Variants in SYT16 observed in about 807,000 individuals in gnomAD.
SYT16 encodes synaptotagmin-16.
SYT16 carries 42 observed loss-of-function variants against 61.4 expected under a neutral mutation model. The observed-to-expected ratio is 0.68, with a 90% CI of 0.53 to 0.89. The LOEUF is 0.89. Among genes scored for constraint, SYT16 ranks in the 40% least tolerant of loss-of-function variants. SYT16 has a pLI of 0.00. For synonymous variants in SYT16, 314 were observed against 302.3 expected, an observed-to-expected ratio of 1.04 and a Z score of -0.40; for missense variants, 804 against 807.3, an observed-to-expected ratio of 1.00 and a Z score of 0.05.
intron 1 of SYT16, among the ~76,000 whole-genome samples, chr14:61,911,124 G>A (rs1168467789): frequency 6.6e-6 from 1 of 152,120 alleles, no homozygotes; most frequent in African/African-American, 2.4e-5. Context: ...AAATTTGTAA[G>A]GCGTTTCCTC....
chr14:61,854,915 A>G (rs988257004), intron 1 of SYT16, among the ~76,000 whole-genome samples: 1 of 151,608 alleles, frequency 6.6e-6, no homozygotes, highest in Non-Finnish European at 1.5e-5. Flanking sequence ...CCCTGCCTCT[A>G]TATATAGAAG....
At chr14:62,089,316 C>G (rs2056991793) in intron 7 of SYT16, among the ~76,000 whole-genome samples, 1 of 91,598 alleles carries the variant, frequency 1.1e-5, no homozygotes, top group Non-Finnish European at 2.4e-5. Context: ...GAGATTCCAT[C>G]TCAAAAAAAA....
At chr14:62,051,266 G>T (rs896756853) in intron 3 of SYT16, among the ~76,000 whole-genome samples, 1 of 152,220 alleles carries the variant, frequency 6.6e-6, no homozygotes, top group African/African-American at 2.4e-5. Flanking sequence ...AGGACCCTCC[G>T]AGCCATGTGC....
intron 4 of SYT16, among the ~76,000 whole-genome samples, chr14:62,072,511 A>T (rs1289450759): frequency 6.6e-6 from 1 of 151,994 alleles, no homozygotes; most frequent in East Asian, 1.9e-4. Context: ...GTAGGGGGAA[A>T]CTCTAGGCAT....
At chr14:61,994,248 C>T (rs931325894) in intron 2 of SYT16, among the ~76,000 whole-genome samples, 2 of 152,158 alleles carry the variant, frequency 1.3e-5, no homozygotes, top group Non-Finnish European at 2.9e-5. Flanking sequence ...AAGTGATACA[C>T]TAGGTTTGGA....
chr14:61,849,342 G>A lies in SYT16; in HGVS notation c.-325+36532G>A, dbSNP rs189309246. ...CCCAGCCAGTGTCTCGCTGGGTCATGTGTCCCCCAAAATCCACTGGTTCTG... is the reference window on the plus strand; with the variant it reads ...CCCAGCCAGTGTCTCGCTGGGTCATATGTCCCCCAAAATCCACTGGTTCTG... On this transcript the variant is annotated intron_variant, in intron 1 of 7. Transcript: ENST00000683842. Among the ~76,000 whole-genome samples, 627 of 152,254 alleles carry A rather than the reference G, an allele frequency of 4.1e-3. 4 individuals are homozygous for A. The highest frequency in any genetic ancestry group is 6.9e-3 in the Non-Finnish European group (472 of 68,016).
intron 1 of SYT16, chr14:61,832,238 A>G: frequency 1.6e-6 from 1 of 622,070 alleles, no homozygotes; most frequent in Non-Finnish European, 3.1e-6. Flanking sequence ...CGGGTACGGG[A>G]TAGTCACGTC....
At chr14:62,058,387 C>T (rs1172861825) in intron 3 of SYT16, among the ~76,000 whole-genome samples, 1 of 146,854 alleles carries the variant, frequency 6.8e-6, no homozygotes, top group Non-Finnish European at 1.5e-5. Context: ...CTCTGTCACC[C>T]AGCTCTGTCA....
intron 7 of SYT16, among the ~76,000 whole-genome samples, chr14:62,087,812 G>GAT (rs2056937070): frequency 6.6e-6 from 1 of 152,176 alleles, no homozygotes; most frequent in Non-Finnish European, 1.5e-5. Flanking sequence ...AAGCCACTGA[G>GAT]ATAGAAACCC....
chr14:62,056,554 G>A lies in SYT16; in HGVS notation c.524-13049G>A, dbSNP rs116877623. 8.0e-3 allele frequency among the ~76,000 whole-genome samples: 1,218 copies of A among 152,284 alleles called. 64 individuals are homozygous for A. The East Asian group carries it at 0.15, about 19-fold the overall frequency. On this transcript the variant is annotated intron_variant, in intron 3 of 7. Coordinates refer to ENST00000683842, the MANE Select transcript of SYT16 (RefSeq NM_001367656.1). ...ATGCATGGGGCGCTCTCCAAGCTAC[G>A]TTAAGTATAAAGGCCCCGAGTAAAG...
At chr14:61,876,231 T>G (rs2047486389) in intron 1 of SYT16, among the ~76,000 whole-genome samples, 2 of 152,338 alleles carry the variant, frequency 1.3e-5, no homozygotes, top group African/African-American at 2.4e-5. Flanking sequence ...AACATACATA[T>G]AAAATCAAGA....
At chr14:61,927,010 C>T (rs72718513) in intron 1 of SYT16, among the ~76,000 whole-genome samples, 20 of 152,336 alleles carry the variant, frequency 1.3e-4, no homozygotes, top group Non-Finnish European at 2.2e-4. Flanking sequence ...TATAGGACTC[C>T]TCCTGTATGA....
chr14:62,002,796 T>C (rs2053073241), intron 3 of SYT16, among the ~76,000 whole-genome samples: 1 of 152,158 alleles, frequency 6.6e-6, no homozygotes, highest in African/African-American at 2.4e-5. Context: ...AAGAGCTGCC[T>C]GAGACTGGGT....
intron 1 of SYT16, among the ~76,000 whole-genome samples, chr14:61,875,558 C>T (rs1045084149): frequency 6.6e-6 from 1 of 152,192 alleles, no homozygotes; most frequent in Non-Finnish European, 1.5e-5. Context: ...TTGATTTAAG[C>T]AGCAAATGAA....
At chr14:61,972,776 TACAG>T (rs1320830411) in intron 2 of SYT16, among the ~76,000 whole-genome samples, 1 of 152,196 alleles carries the variant, frequency 6.6e-6, no homozygotes, top group Admixed American at 6.5e-5. Context: ...AGAAGCCCAG[TACAG>T]ACAGACAGAG....
At chr14:62,027,679 A>G (rs2054153818) in intron 3 of SYT16, among the ~76,000 whole-genome samples, 1 of 152,144 alleles carries the variant, frequency 6.6e-6, no homozygotes. Context: ...TGCAGCACCA[A>G]GACCTTGCAT....
chr14:62,071,280 A>G (rs141095712), intron 4 of SYT16, among the ~76,000 whole-genome samples: 1 of 152,328 alleles, frequency 6.6e-6, no homozygotes, highest in Non-Finnish European at 1.5e-5. Context: ...TTCCCTGAGA[A>G]CAGCTTGTTT....
At chr14:61,892,305 A>C (rs1594846590) in intron 1 of SYT16, among the ~76,000 whole-genome samples, 1 of 149,108 alleles carries the variant, frequency 6.7e-6, no homozygotes, top group South Asian at 2.2e-4. Flanking sequence ...CTCTCCCTCC[A>C]CCTCTAGCTG....
At chr14:61,840,454 A>T (rs577146591) in intron 1 of SYT16, among the ~76,000 whole-genome samples, 43 of 152,298 alleles carry the variant, frequency 2.8e-4, no homozygotes, top group African/African-American at 1.0e-3. Flanking sequence ...GATGAGTAGG[A>T]GGTTAATGAA....
Sources: gnomAD v4.1 joint callset for allele counts (sites outside exome capture counted in the v4.1 genomes callset) on GRCh38, gnomAD v4.1.1 for gene constraint, MANE v1.5 for transcripts, NCBI Gene and HGNC (gene_info 2026-07-23, HGNC 2026-07-21) for gene names.